The following XKR7 variants were observed in gnomAD, a reference collection of about 807,000 sequenced individuals.
XKR7 encodes the protein XK related 7.
A neutral mutation model predicts 42.2 loss-of-function variants in XKR7; 11 were observed. That is an observed-to-expected ratio of 0.26 (90% CI 0.16 to 0.43). The LOEUF (loss-of-function observed/expected upper bound fraction) is 0.43. Ranked by LOEUF, XKR7 falls within the 20% of genes least tolerant of loss-of-function variation. The probability of loss-of-function intolerance (pLI) is 1.00; values close to 1 mark genes in which losing one functional copy is unlikely to be tolerated. For missense variants in XKR7, 710 were observed against 802.2 expected (o/e 0.89, Z 1.39); for synonymous variants, 346 against 366.4 (o/e 0.94, Z 0.64).
Position 31,968,629 on chromosome 20 carries a change from G to C in XKR7, c.454G>C (p.Glu152Gln). The change falls in exon 1 of 3, where the codon GAA becomes CAA. Residue 152 changes from glutamate (E) to glutamine (Q), a missense_variant. Physicochemically the swap from Glu to Gln is conservative, Grantham distance 29. This residue lies in a region of XKR7 where 708 missense variants were observed against 786.2 expected (regional missense o/e 0.90). Transcript: ENST00000562532. The surrounding 1 kb of genome is among the most constrained non-coding windows in gnomAD (Gnocchi z 4.5). ...CAGCGCCGGCGCCTTCCGGACCAAA[G>C]AAGGCAGCCCCGAGCCGGGTCCCCA... ...KDSAGAFRTKEGSPEPGPQPA... is the reference protein window; with the variant it reads ...KDSAGAFRTKQGSPEPGPQPA... 3 of 1,597,088 alleles carry C rather than the reference G, an allele frequency of 1.9e-6. No individual in the cohort carries two copies. The highest frequency in any genetic ancestry group is 2.5e-6 in the Non-Finnish European group (3 of 1,176,962).
At chr20:31,984,839 C>G (rs1294058967) in intron 1 of XKR7, among the ~76,000 whole-genome samples, 4 of 152,184 alleles carry the variant, frequency 2.6e-5, no homozygotes, top group Non-Finnish European at 5.9e-5. Flanking sequence ...CCTGCTCTGG[C>G]TCAGGAGGCC....
chr20:31,979,573 TAG>T (rs1247646295), intron 1 of XKR7, among the ~76,000 whole-genome samples: 1 of 152,194 alleles, frequency 6.6e-6, no homozygotes, highest in African/African-American at 2.4e-5. Flanking sequence ...GCTGCCTCTG[TAG>T]ACAGGCCACA....
intron 1 of XKR7, among the ~76,000 whole-genome samples, chr20:31,973,438 T>G (rs1289152608): frequency 2.0e-5 from 3 of 152,078 alleles, no homozygotes; most frequent in Admixed American, 1.3e-4. Context: ...GAAAATAAAC[T>G]ATGATATATA....
chr20:31,980,879 TAG>T (rs2064508885), intron 1 of XKR7, among the ~76,000 whole-genome samples: 1 of 151,650 alleles, frequency 6.6e-6, no homozygotes, highest in Non-Finnish European at 1.5e-5. Flanking sequence ...CTGGGCAACG[TAG>T]AGAGACCTTA....
At chr20:31,971,294 AG>A (rs1260701571) in intron 1 of XKR7, among the ~76,000 whole-genome samples, 3 of 152,154 alleles carry the variant, frequency 2.0e-5, no homozygotes, top group African/African-American at 7.2e-5. Context: ...ACCTTGGGCA[AG>A]GCTCTTTCCA....
At chr20:31,977,313 C>T (rs2064489943) in intron 1 of XKR7, among the ~76,000 whole-genome samples, 1 of 152,158 alleles carries the variant, frequency 6.6e-6, no homozygotes, top group Non-Finnish European at 1.5e-5. Context: ...GGTTCAGTTA[C>T]TCCATCTGTA....
At chr20:31,994,449 A>G (rs1285252347) in intron 1 of XKR7, among the ~76,000 whole-genome samples, 2 of 152,098 alleles carry the variant, frequency 1.3e-5, no homozygotes, top group Non-Finnish European at 2.9e-5. Flanking sequence ...GCGGTGGCTC[A>G]TGCTTGTATT....
At chr20:31,983,668 C>T (rs541264184) in intron 1 of XKR7, among the ~76,000 whole-genome samples, 62 of 152,194 alleles carry the variant, frequency 4.1e-4, no homozygotes, top group African/African-American at 7.2e-4. Flanking sequence ...TAGTGGGGGC[C>T]GGGCACGGTG....
At chr20:31,983,860 A>C (rs2122264020) in intron 1 of XKR7, among the ~76,000 whole-genome samples, 1 of 151,912 alleles carries the variant, frequency 6.6e-6, no homozygotes, top group East Asian at 1.9e-4. Context: ...GGCAGGGAGA[A>C]TTGCTTGAAC....
At chr20:31,988,152 CAG>C (rs1265732017) in intron 1 of XKR7, among the ~76,000 whole-genome samples, 1 of 152,198 alleles carries the variant, frequency 6.6e-6, no homozygotes, top group Non-Finnish European at 1.5e-5. Context: ...GACCTAGAAC[CAG>C]AGACTTGGGG....
intron 1 of XKR7, among the ~76,000 whole-genome samples, chr20:31,986,621 A>G (rs1270753853): frequency 5.1e-5 from 6 of 116,506 alleles, no homozygotes; most frequent in South Asian, 3.1e-4. Flanking sequence ...AACAGATCCA[A>G]CATCCAAGAC....
In XKR7 at chr20:31,995,948, C is replaced by T. The variant is rs2122282484; in HGVS notation, c.788-557C>T. Among the ~76,000 whole-genome samples the T allele has an allele frequency of 6.6e-6, 1 of 152,172 alleles. No homozygotes were observed. Among genetic ancestry groups the T allele is most frequent in the African/African-American group, 2.4e-5 (1 of 41,502 alleles). Reference sequence around the variant, plus strand: ...GTGTCCCAAAAGACTATCACCACCCCTCATGGCCCTGGGGACCCCTTGCCC... The same window carrying T: ...GTGTCCCAAAAGACTATCACCACCCTTCATGGCCCTGGGGACCCCTTGCCC... On this transcript the variant is annotated intron_variant, in intron 2 of 2. Transcript: ENST00000562532. The surrounding 1 kb of genome is among the most constrained non-coding windows in gnomAD (Gnocchi z 4.1).
chr20:31,979,681 G>A (rs2064502241), intron 1 of XKR7, among the ~76,000 whole-genome samples: 1 of 152,072 alleles, frequency 6.6e-6, no homozygotes, highest in Non-Finnish European at 1.5e-5. Flanking sequence ...ACCCAGACTA[G>A]GGGCAGATAC....
intron 1 of XKR7, among the ~76,000 whole-genome samples, chr20:31,969,772 G>C (rs1232243666): frequency 6.6e-6 from 1 of 152,198 alleles, no homozygotes; most frequent in Non-Finnish European, 1.5e-5. Flanking sequence ...GGGATGGTCA[G>C]GTGAGAGGTC....
At chr20:31,987,574 G>A (rs62206337) in intron 1 of XKR7, among the ~76,000 whole-genome samples, 13 of 149,980 alleles carry the variant, frequency 8.7e-5, no homozygotes, top group Admixed American at 2.7e-4. Context: ...ACCACAAAGC[G>A]GCCCCAGTAT....
At position 31,999,764 on chromosome 20, in the gene XKR7, T is replaced by C. The variant is rs779909992; in HGVS notation, c.*2307T>C. The C allele has an allele frequency of 2.0e-5, 3 of 152,190 alleles. No homozygotes were observed. The highest frequency in any genetic ancestry group is 2.9e-5 in the Non-Finnish European group (2 of 68,030). 9.4% of individuals were successfully genotyped at this position (152,190 alleles called of 1,614,324 possible). The stretch of plus-strand genomic sequence containing the variant: ...CAAGAGAGGTATTATCAACCCATCT[T>C]ACAGACGAGGAAACTGAGGCCCAGA... On this transcript the variant is annotated 3_prime_UTR_variant, in exon 3 of 3. Coordinates refer to ENST00000562532, the MANE Select transcript of XKR7 (RefSeq NM_001011718.2).
chr20:31,991,052 G>A (rs1354215026), intron 1 of XKR7, among the ~76,000 whole-genome samples: 2 of 152,308 alleles, frequency 1.3e-5, no homozygotes, highest in South Asian at 2.1e-4. Context: ...GGCTGTGTGA[G>A]CCCTTTGTCT....
chr20:31,973,393 C>G, intron 1 of XKR7, among the ~76,000 whole-genome samples: 1 of 152,148 alleles, frequency 6.6e-6, no homozygotes, highest in East Asian at 1.9e-4. Flanking sequence ...TCCTTGCCCT[C>G]TTGGAGCTCA....
At chr20:31,994,106 G>A (rs1300940039) in intron 1 of XKR7, among the ~76,000 whole-genome samples, 1 of 152,166 alleles carries the variant, frequency 6.6e-6, no homozygotes, top group Non-Finnish European at 1.5e-5. Context: ...CACCTTCCTT[G>A]CACCCTGGGG....
Sources: gnomAD v4.1 joint callset for allele counts (sites outside exome capture counted in the v4.1 genomes callset) on GRCh38, gnomAD v4.1.1 for gene constraint, gnomAD v4.1.1 regional missense constraint, Gnocchi (gnomAD v3.1) non-coding constraint, MANE v1.5 for transcripts, NCBI Gene and HGNC (gene_info 2026-07-23, HGNC 2026-07-21) for gene names.